Variants in ZFHX2 observed in about 807,000 individuals in gnomAD.
The protein encoded by ZFHX2 is zinc finger homeobox protein 2.
Under a neutral mutation model 164.8 loss-of-function variants are expected in ZFHX2, and 75 were observed. That is an observed-to-expected ratio of 0.46 (90% CI 0.38 to 0.55). ZFHX2 has a LOEUF of 0.55. ZFHX2 is among the 20% of genes least tolerant of loss of function. The pLI is 0.00. For synonymous variants in ZFHX2, 1,217 were observed against 1,351.4 expected (o/e 0.90, Z 2.18); for missense variants, 2,933 against 3,308.0 (o/e 0.89, Z 2.78).
intron 7 of ZFHX2, 51 bp from the exon 8 acceptor site, chr14:23,527,024 A>C: frequency 1.4e-6 from 2 of 1,459,816 alleles, no homozygotes; most frequent in Non-Finnish European, 1.8e-6. Context: ...CACTGCCCCT[A>C]TGCCACTCCT....
Position 23,534,161 on chromosome 14 carries a change from G to T in ZFHX2, c.1165C>A (p.Leu389Ile). The T allele has an allele frequency of 6.8e-7, 1 of 1,472,936 alleles. No homozygotes were observed. The highest frequency in any genetic ancestry group is 9.0e-7 in the Non-Finnish European group (1 of 1,116,032). 91.2% of individuals were successfully genotyped at this position (1,472,936 alleles called of 1,614,324 possible). ...QEEDGGLCPP[L>I]NQSSPTSKEG... ...TTGGAGGTGGGTGAGCTTTGGTTGA[G>T]TGGGGGGCAGAGCCCTCCATCCTCT... The change falls in exon 2 of 10, where the codon CTC becomes ATC. Residue 389 changes from leucine (L) to isoleucine (I), a missense_variant. Coordinates refer to ENST00000419474, the MANE Select transcript of ZFHX2 (RefSeq NM_033400.3). This position sits in a 1 kb window ranked among gnomAD's most constrained non-coding sequence, Gnocchi z 4.5.
chr14:23,536,166 A>G (rs573605291), intron 1 of ZFHX2, among the ~76,000 whole-genome samples: 2 of 152,248 alleles, frequency 1.3e-5, no homozygotes, highest in South Asian at 4.1e-4. Context: ...CAGATGCCAC[A>G]CTGGCCTCCC....
chr14:23,539,643 G>C (rs1042149853), intron 1 of ZFHX2, among the ~76,000 whole-genome samples: 1 of 152,174 alleles, frequency 6.6e-6, no homozygotes, highest in African/African-American at 2.4e-5. Context: ...GAGCCATGTC[G>C]TGGATTCAGG....
chr14:23,526,586 G>A lies in ZFHX2; in HGVS notation c.3356C>T (p.Pro1119Leu). ...VEVPDKPSGS[P>L]GQPPSPAPSP... ...TGGGGCTGGAGAAGGGGGTTGGCCA[G>A]GGCTTCCTGAGGGTTTGTCTGGGAC... Residue 1119 changes from proline (P) to leucine (L), a missense_variant, in exon 9 of 10, where the codon CCT becomes CTT. Coordinates refer to ENST00000419474, the MANE Select transcript of ZFHX2 (RefSeq NM_033400.3). 1 of 1,535,804 alleles carries A rather than the reference G, an allele frequency of 6.5e-7. No individual in the cohort carries two copies. The highest frequency in any genetic ancestry group is 8.7e-7 in the Non-Finnish European group (1 of 1,146,800).
rs1212106540 is a variant in ZFHX2, at chr14:23,522,303, A to G, written c.7378T>C (p.Phe2460Leu). ...GCAGTAGCCGGGGCCTCCCCGTCAA[A>G]TGCCATCTTGCACTGGCGGCACAGG... ...RYLCRQCKMA[F>L]DGEAPATAHQ... is the part of the protein sequence containing the mutation. The change falls in exon 10 of 10, where the codon TTT (phenylalanine) becomes CTT (leucine). Residue 2460 changes from phenylalanine (F) to leucine (L), a missense_variant. Transcript: ENST00000419474. 1 of 1,514,658 alleles carries G rather than the reference A, an allele frequency of 6.6e-7. No homozygotes were observed. Among genetic ancestry groups the G allele is most frequent in the Non-Finnish European group, 8.8e-7 (1 of 1,133,482 alleles). The allele number at this position is 1,514,658 out of a possible 1,614,324, so 93.8% of individuals were successfully genotyped here.
In ZFHX2 at chr14:23,535,364, C is replaced by T. The variant is rs1880026337; in HGVS notation, c.-39G>A. On this transcript the variant is annotated 5_prime_UTR_variant, in exon 2 of 10. Coordinates refer to ENST00000419474, the MANE Select transcript of ZFHX2 (RefSeq NM_033400.3). This position sits in a 1 kb window ranked among gnomAD's most constrained non-coding sequence, Gnocchi z 4.5. ...GTGCTGGGGGCTCATGTCAGCGTGA[C>T]AGCCAGTACCCTGTAGGGAGACAAG... 2.8e-6 allele frequency: 4 copies of T among 1,439,276 alleles called. No individual in the cohort carries two copies. The highest frequency in any genetic ancestry group is 5.0e-5 in the East Asian group (2 of 39,912). The allele number at this position is 1,439,276 out of a possible 1,614,324, so 89.2% of individuals were successfully genotyped here.
At chr14:23,553,090 A>C (rs1271641014), upstream of ZFHX2, among the ~76,000 whole-genome samples, 1 of 152,240 alleles carries the variant, frequency 6.6e-6, no homozygotes, top group Non-Finnish European at 1.5e-5. Context: ...ATGGCCAATA[A>C]GTAAGTGACA....
chr14:23,530,628 G>A (rs1263546722), intron 4 of ZFHX2: 4 of 355,222 alleles, frequency 1.1e-5, no homozygotes, highest in East Asian at 7.7e-5. Flanking sequence ...GGAGATTACC[G>A]CTCAAGTAAG....
intron 1 of ZFHX2, among the ~76,000 whole-genome samples, chr14:23,540,705 C>T (rs2138851792): frequency 6.6e-6 from 1 of 152,316 alleles, no homozygotes; most frequent in South Asian, 2.1e-4. Flanking sequence ...GAGCCTTAGT[C>T]TCCTTATCTG....
rs1024653392 is a variant in ZFHX2 at position 23,533,376 on chromosome 14, C to T, written c.1950G>A (p.Pro650=). The T allele has an allele frequency of 2.9e-5, 42 of 1,456,084 alleles. No individual in the cohort carries two copies. Among genetic ancestry groups the T allele is most frequent in the Non-Finnish European group, 3.5e-5 (39 of 1,108,030 alleles). 90.2% of individuals were successfully genotyped at this position (1,456,084 alleles called of 1,614,324 possible). The change falls in exon 2 of 10, where the codon CCG becomes CCA. Residue 650 remains proline, a synonymous_variant. Transcript: ENST00000419474. The surrounding 1 kb of genome is among the most constrained non-coding windows in gnomAD (Gnocchi z 4.8). ...LGQPQTPLAG[P]GLRPDKPLEA... ...CCAGGGGCTTGTCTGGCCTCAGCCCCGGGCCAGCCAAGGGAGTCTGAGGCT... is the reference window on the plus strand; with the variant it reads ...CCAGGGGCTTGTCTGGCCTCAGCCCTGGGCCAGCCAAGGGAGTCTGAGGCT...
chr14:23,533,482 G>C lies in ZFHX2; in HGVS notation c.1844C>G (p.Pro615Arg). ...AGCCCCTGGTGGGGGAGGAGGGCCTGGCCCCATCAATCCAGGTGGCAGGCC... is the reference window on the plus strand; with the variant it reads ...AGCCCCTGGTGGGGGAGGAGGGCCTCGCCCCATCAATCCAGGTGGCAGGCC... Reference protein sequence around the residue: ...PLGLPPGLMGPGPPPPPGATP... With the variant: ...PLGLPPGLMGRGPPPPPGATP... The change falls in exon 2 of 10, where the codon CCA becomes CGA. Residue 615 changes from proline (P) to arginine (R), a missense_variant. Pro to Arg is a moderately radical substitution (Grantham distance 103, BLOSUM62 -2). Transcript: ENST00000419474. The surrounding 1 kb of genome is among the most constrained non-coding windows in gnomAD (Gnocchi z 4.8). The C allele has an allele frequency of 6.5e-7, 1 of 1,536,006 alleles. No individual in the cohort carries two copies. Among genetic ancestry groups the C allele is most frequent in the Non-Finnish European group, 8.7e-7 (1 of 1,146,846 alleles).
rs1348280246 is a variant in ZFHX2, at chr14:23,534,078, G to A, written c.1248C>T (p.Pro416=). Residue 416 remains proline (P), a synonymous_variant, in exon 2 of 10, where the codon CCC becomes CCT. Coordinates refer to ENST00000419474, the MANE Select transcript of ZFHX2 (RefSeq NM_033400.3). This position sits in a 1 kb window ranked among gnomAD's most constrained non-coding sequence, Gnocchi z 4.5. Reference sequence around the variant, plus strand: ...AGTCATCAGCTAGGCGATAGGGCTGGGGTGGGTCACTGGGGTCTTCGGGGG... The same window carrying A: ...AGTCATCAGCTAGGCGATAGGGCTGAGGTGGGTCACTGGGGTCTTCGGGGG... ...VGSPEDPSDP[P]QPYRLADDYT... The A allele has an allele frequency of 6.6e-7, 1 of 1,517,480 alleles. No homozygotes were observed. Among genetic ancestry groups the A allele is most frequent in the Admixed American group, 2.0e-5 (1 of 50,002 alleles). 94.0% of individuals were successfully genotyped at this position (1,517,480 alleles called of 1,614,324 possible).
At chr14:23,537,760 C>T (rs941610649) in intron 1 of ZFHX2, among the ~76,000 whole-genome samples, 1 of 152,160 alleles carries the variant, frequency 6.6e-6, no homozygotes, top group African/African-American at 2.4e-5. Context: ...AGGTATTCCT[C>T]CTACAGAATC....
At position 23,534,608 on chromosome 14, in the gene ZFHX2, G is replaced by A. The variant is rs764905138; in HGVS notation, c.718C>T (p.Leu240Phe). ...GNHVAVFWLC[L>F]LCRLGFSKPQ... ...TTGCTGAAACCCAGGCGGCACAGAA[G>A]GCAGAGCCAGAAGACCGCCACGTGG... Residue 240 changes from leucine (L) to phenylalanine (F), a missense_variant, in exon 2 of 10, where the codon CTT becomes TTT. Coordinates refer to ENST00000419474, the MANE Select transcript of ZFHX2 (RefSeq NM_033400.3). The surrounding 1 kb of genome is among the most constrained non-coding windows in gnomAD (Gnocchi z 4.5). 2 of 1,536,158 alleles carry A rather than the reference G, an allele frequency of 1.3e-6. No individual in the cohort carries two copies. The highest frequency in any genetic ancestry group is 2.4e-5 in the South Asian group (2 of 84,070).
chr14:23,529,277 G>A (rs1326343159), intron 6 of ZFHX2: 2 of 168,990 alleles, frequency 1.2e-5, no homozygotes, highest in African/African-American at 4.8e-5. Context: ...TTAGTAAGAG[G>A]ATGCCAGGAC....
chr14:23,551,902 C>G (rs1390449422), upstream of ZFHX2, among the ~76,000 whole-genome samples: 1 of 152,204 alleles, frequency 6.6e-6, no homozygotes, highest in Non-Finnish European at 1.5e-5. This position sits in a 1 kb window ranked among gnomAD's most constrained non-coding sequence, Gnocchi z 5.3. Context: ...GCAGGCCGGC[C>G]AGCCCACCAG....
rs1481412646 is a variant in ZFHX2 at position 23,525,612 on chromosome 14, G to A, written c.4330C>T (p.Leu1444=). Residue 1444 remains leucine (L), a synonymous_variant, in exon 9 of 10, where the codon CTA becomes TTA. Transcript: ENST00000419474. The surrounding 1 kb of genome is among the most constrained non-coding windows in gnomAD (Gnocchi z 5.9). ...EAARTAAKAL[L]ENFGFELVIQ... is the part of the protein sequence containing the mutation. Reference sequence around the variant, plus strand: ...ACCAGCTCAAAGCCAAAGTTTTCTAGAAGGGCTTTGGCTGCAGTGCGGGCA... The same window carrying A: ...ACCAGCTCAAAGCCAAAGTTTTCTAAAAGGGCTTTGGCTGCAGTGCGGGCA... 2 of 1,535,686 alleles carry A rather than the reference G, an allele frequency of 1.3e-6. No individual in the cohort carries two copies. The highest frequency in any genetic ancestry group is 1.7e-6 in the Non-Finnish European group (2 of 1,146,870).
At chr14:23,551,987 T>C (rs1882000224), upstream of ZFHX2, among the ~76,000 whole-genome samples, 1 of 152,220 alleles carries the variant, frequency 6.6e-6, no homozygotes. The surrounding 1 kb of genome is among the most constrained non-coding windows in gnomAD (Gnocchi z 5.3). Context: ...CCTCTCCTCT[T>C]CATCCTGTGG....
upstream of ZFHX2, among the ~76,000 whole-genome samples, chr14:23,553,851 G>A (rs559764086): frequency 6.6e-5 from 10 of 151,826 alleles, no homozygotes; most frequent in South Asian, 6.2e-4. Context: ...CCGAGATGGC[G>A]CCACTACACT....
Sources: allele counts gnomAD v4.1 joint callset (sites outside exome capture counted in the v4.1 genomes callset), GRCh38; gene constraint gnomAD v4.1.1; non-coding constraint Gnocchi (gnomAD v3.1); transcripts MANE v1.5; gene names NCBI Gene and HGNC (gene_info 2026-07-23, HGNC 2026-07-21).